ACCSL: variants seen among roughly 807,000 people sequenced by gnomAD.
The protein encoded by ACCSL is probable inactive 1-aminocyclopropane-1-carboxylate synthase-like protein 2.
ACCSL carries 55 observed loss-of-function variants against 61.7 expected under a neutral mutation model. The ratio of observed to expected loss-of-function variants is 0.89; its 90% confidence interval spans 0.72 to 1.12. ACCSL has a LOEUF of 1.12. ACCSL is among the 50% of genes most tolerant of loss of function. The pLI is 0.00. For synonymous variants in ACCSL, 258 were observed against 264.3 expected (o/e 0.98, Z 0.23); for missense variants, 632 against 698.0 (o/e 0.91, Z 1.07).
At chr11:44,045,989 G>A (rs552015249), upstream of ACCSL, among the ~76,000 whole-genome samples, 2 of 152,266 alleles carry the variant, frequency 1.3e-5, no homozygotes, top group South Asian at 2.1e-4. Flanking sequence ...CTAGCACTCC[G>A]CAGGACCAAC....
rs376261378 is a variant in ACCSL at position 44,048,433 on chromosome 11, C to T, written c.397C>T (p.Arg133Cys). 51 of 1,613,896 alleles carry T rather than the reference C, an allele frequency of 3.2e-5. No individual in the cohort carries two copies. The highest frequency in any genetic ancestry group is 4.0e-5 in the Non-Finnish European group (47 of 1,180,028). Residue 133 changes from arginine (R) to cysteine (C), a missense_variant, in exon 1 of 14, where the codon CGC (arginine) becomes TGC (cysteine). Coordinates refer to ENST00000378832, the MANE Select transcript of ACCSL (RefSeq NM_001031854.2). ...LSDCEAAFVN[R>C]DLSIRGIDIS... is the part of the protein sequence containing the mutation. ...TGATTGTGAAGCTGCCTTTGTCAAC[C>T]GCGACCTATCCATCCGTGGGATTGA...
chr11:44,013,992 C>T, the ACCSL span, among the ~76,000 whole-genome samples: 1 of 152,162 alleles, frequency 6.6e-6, no homozygotes, highest in African/African-American at 2.4e-5. Context: ...TGCCACCAAT[C>T]GTGATGCTGA....
At chr11:43,951,807 C>T in the ACCSL span, among the ~76,000 whole-genome samples, 5 of 152,310 alleles carry the variant, frequency 3.3e-5, no homozygotes, top group South Asian at 8.3e-4. Context: ...TCGAGACCAG[C>T]CTGGCCAACA....
chr11:44,012,893 C>CA, the ACCSL span, among the ~76,000 whole-genome samples: 2 of 152,206 alleles, frequency 1.3e-5, no homozygotes, highest in Admixed American at 1.3e-4. Context: ...CCTAACTCAA[C>CA]AACGTTCCTT....
At position 44,059,132 on chromosome 11, in the gene ACCSL, C is replaced by G. The variant is rs1464244615; in HGVS notation, c.1624+433C>G. On this transcript the variant is annotated intron_variant, in intron 13 of 13. Transcript: ENST00000378832. Reference sequence around the variant, plus strand: ...TGGCGCACGCCTGTAATCCCAGCTACTCGGGGGGCTGAGGCAGGAGAATTG... The same window carrying G: ...TGGCGCACGCCTGTAATCCCAGCTAGTCGGGGGGCTGAGGCAGGAGAATTG... Among the ~76,000 whole-genome samples, 3 of 152,186 alleles carry G rather than the reference C, an allele frequency of 2.0e-5. No homozygotes were observed. The East Asian group carries it at 5.8e-4, about 29-fold the overall frequency.
chr11:43,998,761 G>T, the ACCSL span, among the ~76,000 whole-genome samples: 2 of 130,206 alleles, frequency 1.5e-5, no homozygotes, highest in African/African-American at 2.8e-5. Context: ...ATTGTCACAT[G>T]GCATTTTTTT....
the ACCSL span, chr11:43,943,387 G>A: frequency 1.4e-6 from 2 of 1,393,946 alleles, no homozygotes; most frequent in African/African-American, 1.5e-5. The surrounding 1 kb of genome is among the most constrained non-coding windows in gnomAD (Gnocchi z 4.8). Context: ...ACCCGGGACC[G>A]CCGCTCCTCG....
At chr11:44,007,870 C>G in the ACCSL span, among the ~76,000 whole-genome samples, 3 of 152,108 alleles carry the variant, frequency 2.0e-5, no homozygotes, top group African/African-American at 7.2e-5. Context: ...GGTTATAAGA[C>G]AGTGTTGGGG....
the ACCSL span, among the ~76,000 whole-genome samples, chr11:43,954,504 T>C: frequency 6.6e-6 from 1 of 152,154 alleles, no homozygotes; most frequent in African/African-American, 2.4e-5. Context: ...CGAGAAAATC[T>C]GGCCTCCCTT....
chr11:43,926,471 A>C, the ACCSL span: 3 of 455,988 alleles, frequency 6.6e-6, no homozygotes, highest in Non-Finnish European at 1.3e-5. Flanking sequence ...TTGGCCTGCA[A>C]GAGTAAACAA....
At position 44,056,457 on chromosome 11, in the gene ACCSL, G is replaced by GT. The variant is rs1181460873; in HGVS notation, c.1327+132dup. ...ATTTCCTGTCTCAGATTTAACTGTG[G>GT]TAAGATGTGAGGTTTGAAGGAGGGC... On this transcript the variant is annotated intron_variant, in intron 11 of 13. Transcript: ENST00000378832. 3.1e-6 allele frequency: 4 copies of GT among 1,273,630 alleles called. No individual in the cohort carries two copies. In the East Asian group the frequency reaches 1.0e-4, roughly 32 times the overall value. The allele number at this position is 1,273,630 out of a possible 1,614,324, so 78.9% of individuals were successfully genotyped here. A position where few individuals can be genotyped will look rare whatever the true frequency, so the allele number is the denominator to read the frequency against.
the ACCSL span, among the ~76,000 whole-genome samples, chr11:43,932,004 C>T: frequency 4.6e-5 from 7 of 152,304 alleles, no homozygotes; most frequent in Admixed American, 6.5e-5. Flanking sequence ...TTAGGGAGAA[C>T]GGGCTCTGGG....
chr11:43,982,087 C>T, the ACCSL span, among the ~76,000 whole-genome samples: 1 of 152,054 alleles, frequency 6.6e-6, no homozygotes, highest in Non-Finnish European at 1.5e-5. Context: ...GTGACAGAGC[C>T]CAAGCCTCAC....
chr11:43,922,232 T>G, the ACCSL span: 1 of 152,274 alleles, frequency 6.6e-6, no homozygotes, highest in Non-Finnish European at 1.5e-5. Flanking sequence ...AGAGAGGTCC[T>G]ATTCCCATTG....
In ACCSL at chr11:44,049,419, C is replaced by CAAA. The variant is rs33944147; in HGVS notation, c.505-619_505-617dup. 2.8e-3 allele frequency among the ~76,000 whole-genome samples: 96 copies of CAAA among 33,938 alleles called. 3 individuals are homozygous for CAAA. The highest frequency in any genetic ancestry group is 5.4e-3 in the African/African-American group (49 of 8,998). 22.3% of individuals were successfully genotyped at this position (33,938 alleles called of 152,430 possible). A position where few individuals can be genotyped will look rare whatever the true frequency, so the allele number is the denominator to read the frequency against. ...TGGGTGACAGAGTGGGACCCTGTCTCAAAAAAAAAAAAAAAAAAAAAAAAA... is the reference window on the plus strand; with the variant it reads ...TGGGTGACAGAGTGGGACCCTGTCTCAAAAAAAAAAAAAAAAAAAAAAAAAAAA... On this transcript the variant is annotated intron_variant, in intron 1 of 13. Coordinates refer to ENST00000378832, the MANE Select transcript of ACCSL (RefSeq NM_001031854.2).
chr11:44,010,744 G>A, the ACCSL span, among the ~76,000 whole-genome samples: 1 of 152,100 alleles, frequency 6.6e-6, no homozygotes, highest in Non-Finnish European at 1.5e-5. Flanking sequence ...CCCTTTCCTG[G>A]GCCTCCTGAG....
chr11:43,960,509 C>T, the ACCSL span, among the ~76,000 whole-genome samples: 8 of 151,976 alleles, frequency 5.3e-5, no homozygotes, highest in Admixed American at 2.0e-4. Context: ...CTCAGCCTCC[C>T]GAGTAGCTGG....
the ACCSL span, among the ~76,000 whole-genome samples, chr11:43,923,131 T>C: frequency 6.6e-6 from 1 of 152,236 alleles, no homozygotes; most frequent in Non-Finnish European, 1.5e-5. Context: ...ACAGTCACTA[T>C]AGAGCCGTCT....
At chr11:44,046,000 A>G (rs1222983214), upstream of ACCSL, among the ~76,000 whole-genome samples, 2 of 152,222 alleles carry the variant, frequency 1.3e-5, no homozygotes, top group African/African-American at 4.8e-5. Context: ...CAGGACCAAC[A>G]GGGATGATAG....
Sources: gnomAD v4.1 joint callset for allele counts (sites outside exome capture counted in the v4.1 genomes callset) on GRCh38, gnomAD v4.1.1 for gene constraint, Gnocchi (gnomAD v3.1) non-coding constraint, MANE v1.5 for transcripts, NCBI Gene and HGNC (gene_info 2026-07-23, HGNC 2026-07-21) for gene names.